METTL15: variants seen among roughly 807,000 people sequenced by gnomAD.
METTL15 encodes methyltransferase 15, mitochondrial 12S rRNA N4-cytidine.
In METTL15, 34 loss-of-function variants were observed where a neutral mutation model predicts 38.3. The observed-to-expected ratio is 0.89, with a 90% CI of 0.68 to 1.18. The LOEUF is 1.18. Ranked by LOEUF, METTL15 falls within the 50% of genes most tolerant of loss-of-function variation. The probability of loss-of-function intolerance (pLI) is 0.00; values close to 1 mark genes in which losing one functional copy is unlikely to be tolerated. For synonymous variants in METTL15, 162 were observed against 170.9 expected (o/e 0.95, Z 0.41); for missense variants, 438 against 498.4 (o/e 0.88, Z 1.15).
chr11:28,255,369 CT>C (rs557955010), intron 4 of METTL15, among the ~76,000 whole-genome samples: 9 of 152,218 alleles, frequency 5.9e-5, no homozygotes, highest in African/African-American at 2.2e-4. Flanking sequence ...TTAGGATTTT[CT>C]AAATATAAGA....
At chr11:28,154,913 C>CTT (rs2133728004) in intron 3 of METTL15, among the ~76,000 whole-genome samples, 1 of 152,162 alleles carries the variant, frequency 6.6e-6, no homozygotes, top group South Asian at 2.1e-4. Context: ...TAGCGTATGA[C>CTT]TTAAGTGAAT....
At chr11:28,328,375 C>T (rs1180568501) in intron 6 of METTL15, among the ~76,000 whole-genome samples, 3 of 152,046 alleles carry the variant, frequency 2.0e-5, no homozygotes, top group African/African-American at 7.2e-5. Flanking sequence ...TATTTCTTTC[C>T]GTCTCTGATC....
intron 5 of METTL15, among the ~76,000 whole-genome samples, chr11:28,363,980 C>G (rs1322079981): frequency 3.3e-5 from 5 of 152,068 alleles, no homozygotes; most frequent in African/African-American, 9.7e-5. Context: ...TGTCCCAGGT[C>G]CAATGGCTGT....
chr11:28,402,303 C>T (rs1410082905), intron 5 of METTL15, among the ~76,000 whole-genome samples: 1 of 152,028 alleles, frequency 6.6e-6, no homozygotes, highest in African/African-American at 2.4e-5. Flanking sequence ...GAAACAGTCT[C>T]CTAGCTGATC....
chr11:28,190,235 T>C (rs1450787470), intron 3 of METTL15, among the ~76,000 whole-genome samples: 6 of 151,206 alleles, frequency 4.0e-5, no homozygotes, highest in Non-Finnish European at 8.9e-5. Flanking sequence ...GGTGTCTTTT[T>C]GCATTTAGAA....
intron 6 of METTL15, among the ~76,000 whole-genome samples, chr11:28,478,970 G>C (rs561595431): frequency 1.5e-4 from 23 of 152,178 alleles, no homozygotes; most frequent in Non-Finnish European, 8.8e-5. Flanking sequence ...GAAAACAATA[G>C]AGAGATGTAT....
chr11:28,266,746 C>T (rs1440998083), intron 4 of METTL15, among the ~76,000 whole-genome samples: 1 of 152,146 alleles, frequency 6.6e-6, no homozygotes, highest in Non-Finnish European at 1.5e-5. Context: ...GTCTCTTTCC[C>T]AGATAATTAT....
intron 6 of METTL15, among the ~76,000 whole-genome samples, chr11:28,298,666 A>G (rs1856818252): frequency 6.6e-6 from 1 of 152,112 alleles, no homozygotes. Flanking sequence ...AGTACATTAG[A>G]GCTATGAGAA....
Position 28,239,060 on chromosome 11 carries a change from C to G in METTL15, c.407+27862C>G, listed in dbSNP as rs139161007. On this transcript the variant is annotated intron_variant, in intron 4 of 6. Coordinates refer to ENST00000407364, the MANE Select transcript of METTL15 (RefSeq NM_001113528.2). The stretch of plus-strand genomic sequence containing the variant: ...TCTTCAGGGCTCATTCTACAGGCCT[C>G]TTTTCTATTTACACTCATTCCCTCA... Among the ~76,000 whole-genome samples, 10 of 152,148 alleles carry G rather than the reference C, an allele frequency of 6.6e-5. No individual in the cohort carries two copies. In the East Asian group the frequency reaches 1.7e-3, roughly 27 times the overall value.
chr11:28,290,118 A>T, intron 4 of METTL15, 88 bp from the exon 5 acceptor site: 2 of 1,073,086 alleles, frequency 1.9e-6, no homozygotes, highest in Non-Finnish European at 2.6e-6. Flanking sequence ...ATGTAATAAT[A>T]GAATGTGCTC....
At chr11:28,218,832 G>T (rs935751316) in intron 4 of METTL15, among the ~76,000 whole-genome samples, 35 of 152,102 alleles carry the variant, frequency 2.3e-4, no homozygotes, top group Non-Finnish European at 3.2e-4. Context: ...GGTTTTTGTC[G>T]TTGGTTCTGT....
intron 4 of METTL15, among the ~76,000 whole-genome samples, chr11:28,288,802 C>T (rs1856394044): frequency 6.6e-6 from 1 of 152,162 alleles, no homozygotes; most frequent in East Asian, 1.9e-4. Context: ...CACATGTACC[C>T]CTGAACTTAA....
intron 6 of METTL15, among the ~76,000 whole-genome samples, chr11:28,476,757 G>A (rs1564942085): frequency 6.6e-6 from 1 of 152,128 alleles, no homozygotes; most frequent in Non-Finnish European, 1.5e-5. Flanking sequence ...CACACCTTAA[G>A]CTAACCAGTG....
chr11:28,285,094 C>T (rs751382708), intron 4 of METTL15, among the ~76,000 whole-genome samples: 10 of 152,230 alleles, frequency 6.6e-5, no homozygotes, highest in African/African-American at 9.6e-5. Flanking sequence ...TCCTCCCTCC[C>T]GCCCTGTGAA....
chr11:28,282,336 A>T (rs1856087113), intron 4 of METTL15, among the ~76,000 whole-genome samples: 1 of 152,186 alleles, frequency 6.6e-6, no homozygotes, highest in Non-Finnish European at 1.5e-5. Context: ...AGTGCTTTTA[A>T]AAAGAAACTA....
At position 28,378,807 on chromosome 11, in the gene METTL15, C is replaced by G. The variant is rs150359139; in HGVS notation, c.*358+16771C>G. On this transcript the variant is annotated intron_variant and NMD_transcript_variant, in intron 5 of 7. Transcript: ENST00000532947. ...AGATTTTGAATAGAATTAGTATAGT[C>G]TTCTTTAAATATTTAGTAGAATTCA... Among the ~76,000 whole-genome samples the G allele has an allele frequency of 3.2e-3, 364 of 114,596 alleles. 1 individual carries two copies. Among genetic ancestry groups the G allele is most frequent in the African/African-American group, 9.2e-3 (287 of 31,132 alleles). The allele number at this position is 114,596 out of a possible 152,430, so 75.2% of individuals were successfully genotyped here. A position where few individuals can be genotyped will look rare whatever the true frequency, so the allele number is the denominator to read the frequency against.
intron 6 of METTL15, among the ~76,000 whole-genome samples, chr11:28,487,520 G>T (rs1346065214): frequency 6.6e-6 from 1 of 152,056 alleles, no homozygotes; most frequent in Non-Finnish European, 1.5e-5. Flanking sequence ...TACTTAAGTT[G>T]TTCAATGGTA....
At chr11:28,164,765 C>G (rs1416171359) in intron 3 of METTL15, among the ~76,000 whole-genome samples, 1 of 151,938 alleles carries the variant, frequency 6.6e-6, no homozygotes, top group African/African-American at 2.4e-5. Flanking sequence ...TTACATATAA[C>G]TTAGTCATCC....
rs1851539966 is a variant in METTL15, at chr11:28,496,966, CAG to C, written c.*425-29511_*425-29510del. 2.6e-5 allele frequency among the ~76,000 whole-genome samples: 4 copies of C among 152,270 alleles called. No individual in the cohort carries two copies. The South Asian group carries it at 8.3e-4, about 32-fold the overall frequency. ...TATGTCAACTCAAGGGAGCCAGTGC[CAG>C]GCACCGCATTCAGGTTTGGCATTGA... On this transcript the variant is annotated intron_variant and NMD_transcript_variant, in intron 6 of 7. Coordinates refer to the METTL15 transcript ENST00000532947.
Sources: gnomAD v4.1 joint callset for allele counts (sites outside exome capture counted in the v4.1 genomes callset) on GRCh38, gnomAD v4.1.1 for gene constraint, MANE v1.5 for transcripts, NCBI Gene and HGNC (gene_info 2026-07-23, HGNC 2026-07-21) for gene names.